The following GLRA1 variants were observed in gnomAD, a reference collection of about 807,000 sequenced individuals.
The protein encoded by GLRA1 is glycine receptor subunit alpha-1.
GLRA1 carries 37 observed loss-of-function variants against 48.3 expected under a neutral mutation model. That is an observed-to-expected ratio of 0.77 (90% CI 0.59 to 1.01). The LOEUF (loss-of-function observed/expected upper bound fraction) is 1.01. Ranked by LOEUF, GLRA1 falls within the 50% of genes least tolerant of loss-of-function variation. The pLI is 0.00. For synonymous variants in GLRA1, 196 were observed against 210.7 expected (o/e 0.93, Z 0.60); for missense variants, 427 against 571.0 (o/e 0.75, Z 2.57).
chr5:151,912,268 T>TTG (rs1554087536), intron 1 of GLRA1, among the ~76,000 whole-genome samples: 1 of 151,248 alleles, frequency 6.6e-6, no homozygotes, highest in African/African-American at 2.4e-5. Context: ...GACTGTTTTT[T>TTG]TTTTTTTTTT....
At chr5:151,893,830 G>A (rs113853106) in intron 1 of GLRA1, among the ~76,000 whole-genome samples, 18 of 152,180 alleles carry the variant, frequency 1.2e-4, no homozygotes, top group African/African-American at 4.3e-4. Flanking sequence ...ACATGTGCAT[G>A]TATCTTTATA....
At chr5:151,886,045 T>A (rs892997251) in intron 3 of GLRA1, among the ~76,000 whole-genome samples, 5 of 152,138 alleles carry the variant, frequency 3.3e-5, no homozygotes, top group African/African-American at 1.2e-4. Context: ...TTAACATAAG[T>A]ACAATTGATT....
intron 7 of GLRA1, among the ~76,000 whole-genome samples, chr5:151,835,059 T>C (rs1232541532): frequency 1.7e-5 from 2 of 121,092 alleles, no homozygotes; most frequent in African/African-American, 6.3e-5. Context: ...AAGAGAAGAA[T>C]GAAATAGACA....
At chr5:151,900,376 A>G (rs913851106) in intron 1 of GLRA1, among the ~76,000 whole-genome samples, 1 of 152,194 alleles carries the variant, frequency 6.6e-6, no homozygotes, top group Non-Finnish European at 1.5e-5. Flanking sequence ...TTGCCCGATG[A>G]GGGGGTCTTT....
chr5:151,836,828 C>T (rs1305199843), intron 7 of GLRA1, among the ~76,000 whole-genome samples: 1 of 152,106 alleles, frequency 6.6e-6, no homozygotes, highest in Non-Finnish European at 1.5e-5. Flanking sequence ...AGACCTAAAA[C>T]CATAAAATCC....
At chr5:151,915,433 A>G (rs767703280) in intron 1 of GLRA1, among the ~76,000 whole-genome samples, 25 of 152,178 alleles carry the variant, frequency 1.6e-4, no homozygotes, top group Admixed American at 3.3e-4. Context: ...AGTTGTAGGT[A>G]CACTGTAATT....
chr5:151,896,390 GTC>G (rs1318156659), intron 1 of GLRA1, among the ~76,000 whole-genome samples: 1 of 152,224 alleles, frequency 6.6e-6, no homozygotes, highest in East Asian at 1.9e-4. Context: ...GTAAGGGAAA[GTC>G]TTTGTGAATT....
intron 1 of GLRA1, among the ~76,000 whole-genome samples, chr5:151,898,951 T>A (rs1183248876): frequency 2.6e-5 from 4 of 152,020 alleles, no homozygotes; most frequent in African/African-American, 9.7e-5. Flanking sequence ...AGGAAGAGTG[T>A]TTGAGGTAGA....
chr5:151,881,281 T>C (rs889596152), intron 3 of GLRA1, among the ~76,000 whole-genome samples: 7 of 151,838 alleles, frequency 4.6e-5, no homozygotes, highest in African/African-American at 1.7e-4. Context: ...CAGGATTCCC[T>C]TTCCTCTTTT....
intron 1 of GLRA1, among the ~76,000 whole-genome samples, chr5:151,905,967 T>C (rs1361021480): frequency 2.0e-5 from 3 of 152,180 alleles, no homozygotes; most frequent in Non-Finnish European, 4.4e-5. Flanking sequence ...TTCATTTTTT[T>C]AAATCCCTGA....
chr5:151,827,866 T>G (rs1763317289), intron 8 of GLRA1, among the ~76,000 whole-genome samples: 1 of 152,162 alleles, frequency 6.6e-6, no homozygotes. Flanking sequence ...TCTTCTTTAT[T>G]GCTTTTAATG....
chr5:151,885,372 G>T (rs1426631827), intron 3 of GLRA1, among the ~76,000 whole-genome samples: 2 of 152,192 alleles, frequency 1.3e-5, no homozygotes, highest in Non-Finnish European at 2.9e-5. Context: ...TAAGCAGGTT[G>T]GTACAGTGGT....
intron 3 of GLRA1, among the ~76,000 whole-genome samples, chr5:151,861,264 A>G (rs1203841731): frequency 1.4e-4 from 22 of 152,156 alleles, no homozygotes; most frequent in Admixed American, 1.4e-3. Context: ...GCTGGGTCAA[A>G]TGGTATTTCT....
chr5:151,830,494 C>T (rs917533109), intron 7 of GLRA1, among the ~76,000 whole-genome samples: 10 of 152,160 alleles, frequency 6.6e-5, no homozygotes, highest in Non-Finnish European at 1.5e-4. Flanking sequence ...TGTGAATTCC[C>T]GGGAAGACTT....
chr5:151,917,342 C>G (rs1238166754), intron 1 of GLRA1, among the ~76,000 whole-genome samples: 1 of 152,138 alleles, frequency 6.6e-6, no homozygotes, highest in East Asian at 1.9e-4. Flanking sequence ...TTTAAAGACT[C>G]TTGTTGACAT....
intron 7 of GLRA1, among the ~76,000 whole-genome samples, chr5:151,834,070 GAC>G (rs111965242): frequency 3.4e-4 from 51 of 152,186 alleles, no homozygotes; most frequent in African/African-American, 1.2e-3. Flanking sequence ...AGATCAACGA[GAC>G]AAAAAATTAA....
intron 3 of GLRA1, among the ~76,000 whole-genome samples, chr5:151,876,291 C>G (rs1753627538): frequency 6.6e-6 from 1 of 152,084 alleles, no homozygotes; most frequent in Admixed American, 6.5e-5. Context: ...TTTTGAAACC[C>G]TTTCATCCTT....
intron 8 of GLRA1, among the ~76,000 whole-genome samples, chr5:151,828,513 G>A (rs1044392354): frequency 1.3e-5 from 2 of 152,154 alleles, no homozygotes; most frequent in African/African-American, 2.4e-5. Context: ...GGCATTCTAC[G>A]TTAAGATCTC....
At chr5:151,899,524 C>T (rs769900079) in intron 1 of GLRA1, among the ~76,000 whole-genome samples, 2 of 152,096 alleles carry the variant, frequency 1.3e-5, no homozygotes, top group Non-Finnish European at 2.9e-5. Flanking sequence ...TGGGCTGGCA[C>T]TCTTGGCTTT....
Sources: gnomAD v4.1 joint callset for allele counts (sites outside exome capture counted in the v4.1 genomes callset) on GRCh38, gnomAD v4.1.1 for gene constraint, MANE v1.5 for transcripts, NCBI Gene and HGNC (gene_info 2026-07-23, HGNC 2026-07-21) for gene names.